Variants in OXA1L observed in about 807,000 individuals in gnomAD.
OXA1L encodes the protein OXA1L mitochondrial inner membrane insertase, also known as mitochondrial inner membrane protein OXA1L.
OXA1L carries 42 observed loss-of-function variants against 52.2 expected under a neutral mutation model. The ratio of observed to expected loss-of-function variants is 0.80; its 90% CI spans 0.63 to 1.04. The LOEUF (loss-of-function observed/expected upper bound fraction) is 1.04. OXA1L is among the 50% of genes least tolerant of loss of function. The pLI is 0.00. For synonymous variants in OXA1L, 239 were observed against 201.9 expected (o/e 1.18, Z -1.56); for missense variants, 572 against 555.0 (o/e 1.03, Z -0.31).
chr14:22,770,579 A>G lies in OXA1L; in HGVS notation c.788A>G (p.Tyr263Cys), dbSNP rs747795849. 1.9e-5 allele frequency: 30 copies of G among 1,613,776 alleles called. No homozygotes were observed. The highest frequency in any genetic ancestry group is 1.7e-4 in the Middle Eastern group (1 of 6,022). ...GATCTCACGGTATCCGATCCCATCT[A>G]CATATTACCACTGGCAGTCACTGCT... ...FQDLTVSDPI[Y>C]ILPLAVTATM... The change falls in exon 6 of 10, where the codon TAC (tyrosine) becomes TGC (cysteine). Residue 263 changes from tyrosine (Y) to cysteine (C), a missense_variant. Physicochemically the swap from Tyr to Cys is radical, Grantham distance 194 (BLOSUM62 -2). Around this residue, in one of 5 missense-constraint regions of OXA1L, gnomAD observed 244 missense variants for 240.2 expected, o/e 1.02. Coordinates refer to ENST00000612549, the MANE Select transcript of OXA1L (RefSeq NM_005015.5).
At position 22,770,540 on chromosome 14, in the gene OXA1L, T is replaced by A. The variant is rs555495878; in HGVS notation, c.749T>A (p.Leu250His). 160 of 1,614,196 alleles carry A rather than the reference T, an allele frequency of 9.9e-5. 3 individuals are homozygous for A. In the South Asian group the frequency reaches 1.6e-3, roughly 16 times the overall value. ...GTGCCCAGCCTGCAGACAGGTGGCC[T>A]CTGGTGGTTCCAGGATCTCACGGTA... is the stretch of plus-strand genomic sequence containing the variant. Reference protein sequence around the residue: ...LPVPSLQTGGLWWFQDLTVSD... With the variant: ...LPVPSLQTGGHWWFQDLTVSD... Residue 250 changes from leucine to histidine, a missense_variant, in exon 6 of 10, where the codon CTC (leucine) becomes CAC (histidine). Transcript: ENST00000612549.
At chr14:22,767,129 T>C (rs914226990) in intron 1 of OXA1L, 119 bp from the exon 2 acceptor site, 21 of 1,523,242 alleles carry the variant, frequency 1.4e-5, no homozygotes, top group Middle Eastern at 1.7e-4. Flanking sequence ...AGCAATGTCC[T>C]CCCCTGTAGT....
At chr14:22,768,368 C>A in intron 3 of OXA1L, 197 bp downstream of exon 3, 1 of 588,366 alleles carries the variant, frequency 1.7e-6, no homozygotes, top group Non-Finnish European at 3.0e-6. Flanking sequence ...ACCAGATCAT[C>A]TGGGATTCAA....
rs768597453 is a variant in OXA1L at position 22,771,127 on chromosome 14, A to G, written c.1049A>G (p.His350Arg). 9.3e-6 allele frequency: 15 copies of G among 1,614,066 alleles called. No homozygotes were observed. The highest frequency in any genetic ancestry group is 2.7e-5 in the African/African-American group (2 of 74,916). ...CTTAAAATCCCCCAGCGTGTTGTAC[A>G]TGACCTGGACAAATTACCTCCACGG... ...TVLKIPQRVV[H>R]DLDKLPPREG... Residue 350 changes from histidine (H) to arginine (R), a missense_variant, in exon 8 of 10, where the codon CAT becomes CGT. By Grantham distance (29) the His-to-Arg change is conservative. Coordinates refer to ENST00000612549, the MANE Select transcript of OXA1L (RefSeq NM_005015.5).
chr14:22,768,242 AG>A (rs756962935), intron 3 of OXA1L, 71 bp downstream of exon 3: 2 of 1,234,868 alleles, frequency 1.6e-6, no homozygotes, highest in African/African-American at 3.2e-5. Flanking sequence ...GAATGGATTC[AG>A]GAAGTAGTTG....
At position 22,766,783 on chromosome 14, in the gene OXA1L, AG is replaced by A; in HGVS notation, c.63+20del. 1 of 1,613,792 alleles carries A rather than the reference AG, an allele frequency of 6.2e-7. No homozygotes were observed. The highest frequency in any genetic ancestry group is 1.1e-5 in the South Asian group (1 of 91,082). ...GCGTCGGGTAAGGATGCCCCGGGGC[AG>A]AGCACCGGGATGCTGCCCTGACCCA... On this transcript the variant is annotated intron_variant, in intron 1 of 9. Coordinates refer to ENST00000612549, the MANE Select transcript of OXA1L (RefSeq NM_005015.5).
At position 22,771,441 on chromosome 14, in the gene OXA1L, A is replaced by G. The variant is rs763262426; in HGVS notation, c.1191A>G (p.Leu397=). Residue 397 remains leucine, a synonymous_variant, in exon 10 of 10, where the codon TTA becomes TTG. Coordinates refer to ENST00000612549, the MANE Select transcript of OXA1L (RefSeq NM_005015.5). ...TTTCTCTTCTCCCCTCAGGTCCTTT[A>G]CGACAGACCTTTACCCACAACCCTC... The part of the protein sequence containing the change: ...NQLELAARGP[L]RQTFTHNPLL... The G allele has an allele frequency of 6.2e-7, 1 of 1,614,078 alleles. No individual in the cohort carries two copies. Among genetic ancestry groups the G allele is most frequent in the East Asian group, 2.2e-5 (1 of 44,870 alleles).
At chr14:22,769,678 CAT>C (rs2038440486) in intron 3 of OXA1L, 111 bp from the exon 4 acceptor site, 2 of 1,130,100 alleles carry the variant, frequency 1.8e-6, no homozygotes. Flanking sequence ...AGGCATGAGT[CAT>C]AGAATGGACA....
In OXA1L at chr14:22,772,509, A is replaced by AAAAAAC. The variant is rs2038488162; in HGVS notation, c.*956_*957insCAAAAA. On this transcript the variant is annotated 3_prime_UTR_variant, in exon 10 of 10. Coordinates refer to ENST00000612549, the MANE Select transcript of OXA1L (RefSeq NM_005015.5). ...TTCTCAAAAAAAAAAAAAAAAAAAA[A>AAAAAAC]AAAAAAAAAACAGTTTAAACTTCCA... 1.0e-4 allele frequency: 11 copies of AAAAAAC among 108,012 alleles called. No individual in the cohort carries two copies. Among genetic ancestry groups the AAAAAAC allele is most frequent in the African/African-American group, 3.5e-4 (11 of 31,770 alleles). 6.7% of individuals were successfully genotyped at this position (108,012 alleles called of 1,614,324 possible). A position where few individuals can be genotyped will look rare whatever the true frequency, so the allele number is the denominator to read the frequency against.
rs1261326516 is a variant in OXA1L, at chr14:22,769,934, T to A, written c.583T>A (p.Tyr195Asn). 3 of 1,613,848 alleles carry A rather than the reference T, an allele frequency of 1.9e-6. No individual in the cohort carries two copies. The highest frequency in any genetic ancestry group is 2.5e-6 in the Non-Finnish European group (3 of 1,179,956). Residue 195 changes from tyrosine to asparagine, a missense_variant and splice_region_variant, in exon 4 of 10, where the codon TAT becomes AAT. Tyr to Asn is a moderately radical substitution (Grantham distance 143). Around this residue, in one of 5 missense-constraint regions of OXA1L, gnomAD observed 132 missense variants for 124.0 expected, o/e 1.06. Coordinates refer to ENST00000612549, the MANE Select transcript of OXA1L (RefSeq NM_005015.5). ...EAKLAGDHIE[Y>N]YKASSEMALY... ...CAAGTTAGCAGGAGACCATATTGAG[T>A]GTGAGTCAGTTGCAGAATGAGCGTG...
At chr14:22,766,922 C>G (rs750924617) in intron 1 of OXA1L, 158 bp downstream of exon 1, 6 of 1,514,494 alleles carry the variant, frequency 4.0e-6, no homozygotes, top group Non-Finnish European at 5.3e-6. Flanking sequence ...AGGGTTAGTC[C>G]CCGACACTAT....
Position 22,770,548 on chromosome 14 carries a change from T to A in OXA1L, c.757T>A (p.Phe253Ile). The A allele has an allele frequency of 4.3e-6, 7 of 1,614,146 alleles. No individual in the cohort carries two copies. Among genetic ancestry groups the A allele is most frequent in the Non-Finnish European group, 5.9e-6 (7 of 1,179,988 alleles). The change falls in exon 6 of 10, where the codon TTC (phenylalanine) becomes ATC (isoleucine). Residue 253 changes from phenylalanine (F) to isoleucine (I), a missense_variant. Around this residue, in one of 5 missense-constraint regions of OXA1L, gnomAD observed 244 missense variants for 240.2 expected, o/e 1.02. Transcript: ENST00000612549. The part of the protein sequence containing the change: ...PSLQTGGLWW[F>I]QDLTVSDPIY... ...CCTGCAGACAGGTGGCCTCTGGTGG[T>A]TCCAGGATCTCACGGTATCCGATCC...
rs749840364 is a variant in OXA1L at position 22,770,582 on chromosome 14, T to C, written c.791T>C (p.Ile264Thr). 7.4e-6 allele frequency: 12 copies of C among 1,613,684 alleles called. No individual in the cohort carries two copies. In the South Asian group the frequency reaches 1.1e-4, roughly 15 times the overall value. The change falls in exon 6 of 10, where the codon ATA becomes ACA. Residue 264 changes from isoleucine (I) to threonine (T), a missense_variant. Around this residue, in one of 5 missense-constraint regions of OXA1L, gnomAD observed 244 missense variants for 240.2 expected, o/e 1.02. Transcript: ENST00000612549. ...QDLTVSDPIY[I>T]LPLAVTATMW... ...CTCACGGTATCCGATCCCATCTACATATTACCACTGGCAGTCACTGCTACA... is the reference window on the plus strand; with the variant it reads ...CTCACGGTATCCGATCCCATCTACACATTACCACTGGCAGTCACTGCTACA...
intron 4 of OXA1L, 69 bp from the exon 5 acceptor site, chr14:22,770,124 G>T (rs558924618): frequency 1.9e-4 from 248 of 1,329,398 alleles, no homozygotes; most frequent in Non-Finnish European, 5.4e-6. Context: ...AGGCCAGGTA[G>T]ATAATGAGGA....
chr14:22,770,940 G>C (rs2038453624), intron 7 of OXA1L, 31 bp downstream of exon 7: 1 of 1,612,216 alleles, frequency 6.2e-7, no homozygotes, highest in Non-Finnish European at 8.5e-7. Flanking sequence ...TGGCTCCAAG[G>C]CCTTCTGCCT....
At chr14:22,770,667 T>A in intron 6 of OXA1L, 42 bp downstream of exon 6, 1 of 1,596,722 alleles carries the variant, frequency 6.3e-7, no homozygotes, top group African/African-American at 1.3e-5. Context: ...CAAAGTGAAC[T>A]GGGGTTGGAG....
chr14:22,767,878 G>A, intron 2 of OXA1L, 80 bp from the exon 3 acceptor site: 1 of 1,101,098 alleles, frequency 9.1e-7, no homozygotes, highest in East Asian at 2.5e-5. Flanking sequence ...ACAGAACCCA[G>A]TACTGGTTAT....
chr14:22,770,702 C>T lies in OXA1L; in HGVS notation c.834+77C>T, dbSNP rs1245737682. The T allele has an allele frequency of 7.7e-6, 12 of 1,551,466 alleles. No homozygotes were observed. The Middle Eastern group carries it at 5.1e-4, about 65-fold the overall frequency. On this transcript the variant is annotated intron_variant, in intron 6 of 9. Coordinates refer to ENST00000612549, the MANE Select transcript of OXA1L (RefSeq NM_005015.5). ...GGGTAAAGTAGTTGTACAGAATGGTCATCCTTCACTTGCTGGAGAAAGAGT... is the reference window on the plus strand; with the variant it reads ...GGGTAAAGTAGTTGTACAGAATGGTTATCCTTCACTTGCTGGAGAAAGAGT...
rs747523100 is a variant in OXA1L at position 22,770,477 on chromosome 14, CCTT to C, written c.691_693del (p.Phe231del). The C allele has an allele frequency of 6.8e-6, 11 of 1,613,646 alleles. No homozygotes were observed. The highest frequency in any genetic ancestry group is 2.7e-5 in the African/African-American group (2 of 74,932). Reference sequence around the variant, plus strand: ...GTGTAATAGGCCCCAATCTTCATCTCCTTCTTCATTGCTTTGAGAGAGATGGCC... The same window carrying C: ...GTGTAATAGGCCCCAATCTTCATCTCCTTCATTGCTTTGAGAGAGATGGCC... On this transcript the variant is annotated inframe_deletion, in exon 6 of 10. Transcript: ENST00000612549.
Sources: allele counts gnomAD v4.1 joint callset, GRCh38; gene constraint gnomAD v4.1.1; regional missense constraint gnomAD v4.1.1; transcripts MANE v1.5; gene names NCBI Gene and HGNC (gene_info 2026-07-23, HGNC 2026-07-21).